ABCB5: variants seen among roughly 807,000 people sequenced by gnomAD.
ABCB5 encodes the protein ATP binding cassette subfamily B member 5.
ABCB5 carries 155 observed loss-of-function variants against 144.2 expected under a neutral mutation model. The ratio of observed to expected loss-of-function variants is 1.08; its 90% CI spans 0.94 to 1.23. ABCB5 has a LOEUF of 1.23. Ranked by LOEUF, ABCB5 falls within the 50% of genes most tolerant of loss-of-function variation. ABCB5 has a pLI of 0.00. For synonymous variants in ABCB5, 610 were observed against 528.6 expected (o/e 1.15, Z -2.11); for missense variants, 1,830 against 1,520.8 (o/e 1.20, Z -3.38).
At chr7:20,739,205 A>T in intron 24 of ABCB5, 66 bp downstream of exon 24, 1 of 1,431,730 alleles carries the variant, frequency 7.0e-7, no homozygotes, top group Non-Finnish European at 9.1e-7. Flanking sequence ...GGGGCCACTG[A>T]AGATGGGAGG....
intron 24 of ABCB5, 69 bp from the exon 25 acceptor site, chr7:20,742,808 C>A (rs1782602630): frequency 7.5e-6 from 11 of 1,469,326 alleles, no homozygotes; most frequent in Non-Finnish European, 1.0e-5. Flanking sequence ...ATGAACTTGG[C>A]CAGTATGCTA....
chr7:20,689,272 T>G (rs572440957), intron 16 of ABCB5, among the ~76,000 whole-genome samples: 1 of 152,266 alleles, frequency 6.6e-6, no homozygotes, highest in East Asian at 1.9e-4. Context: ...GAGGCAGGCC[T>G]CAATGGAAAG....
chr7:20,668,467 G>A (rs1785301163), intron 14 of ABCB5, among the ~76,000 whole-genome samples: 1 of 151,880 alleles, frequency 6.6e-6, no homozygotes, highest in Admixed American at 6.5e-5. Context: ...TCTGAGAAGC[G>A]AGGAAACCCT....
intron 23 of ABCB5, among the ~76,000 whole-genome samples, chr7:20,735,239 T>C (rs147829767): frequency 2.0e-5 from 3 of 152,328 alleles, no homozygotes; most frequent in African/African-American, 7.2e-5. Context: ...GTTTCCTAGT[T>C]CTCTTAAAAA....
At chr7:20,625,384 A>G (rs560558568) in intron 2 of ABCB5, among the ~76,000 whole-genome samples, 2 of 151,518 alleles carry the variant, frequency 1.3e-5, no homozygotes, top group Admixed American at 6.6e-5. Context: ...TTGCGCGTGC[A>G]TGTGTGTGTG....
chr7:20,753,587 G>C (rs944020413), intron 27 of ABCB5, 81 bp downstream of exon 27: 128 of 1,463,050 alleles, frequency 8.7e-5, no homozygotes, highest in Non-Finnish European at 1.1e-4. Context: ...GGTAAGTTTG[G>C]AAAAACAAAG....
chr7:20,646,342 C>T (rs1002433021), intron 9 of ABCB5, among the ~76,000 whole-genome samples: 3 of 152,202 alleles, frequency 2.0e-5, no homozygotes, highest in Non-Finnish European at 4.4e-5. Context: ...TTAGTGTCCT[C>T]GCTGTGTCAA....
intron 20 of ABCB5, among the ~76,000 whole-genome samples, chr7:20,711,301 C>T (rs1463624951): frequency 6.7e-6 from 1 of 149,548 alleles, no homozygotes; most frequent in East Asian, 2.0e-4. Flanking sequence ...CCTTCTGCAT[C>T]CAGGTCTTTT....
chr7:20,626,664 C>A, intron 3 of ABCB5, 53 bp downstream of exon 3: 1 of 1,453,620 alleles, frequency 6.9e-7, no homozygotes, highest in South Asian at 1.3e-5. Context: ...AGAGACTTGT[C>A]AGTAGTGCAT....
In ABCB5 at chr7:20,626,612, G is replaced by A; in HGVS notation, c.108+1G>A. ...GGAAGCAGTTGGATCTATTGAGATA[G>A]TAAGTGAAATCAGTTAGAAAGTACA... On this transcript the variant is annotated splice_donor_variant, in intron 3 of 27. Transcript: ENST00000404938. LOFTEE classifies it high-confidence loss of function. The A allele has an allele frequency of 1.2e-6, 2 of 1,602,666 alleles. No homozygotes were observed. The highest frequency in any genetic ancestry group is 1.7e-6 in the Non-Finnish European group (2 of 1,174,600).
At position 20,634,510 on chromosome 7, in the gene ABCB5, C is replaced by T. The variant is rs573701884; in HGVS notation, c.314+2397C>T. Among the ~76,000 whole-genome samples the T allele has an allele frequency of 2.6e-5, 4 of 152,066 alleles. No individual in the cohort carries two copies. In the East Asian group the frequency reaches 7.7e-4, roughly 29 times the overall value. ...TGGAGGCTGTACTAATTTACGTTACCCCCAATAGTGTATAAGTGTTCTCCT... is the reference window on the plus strand; with the variant it reads ...TGGAGGCTGTACTAATTTACGTTACTCCCAATAGTGTATAAGTGTTCTCCT... On this transcript the variant is annotated intron_variant, in intron 5 of 27. Coordinates refer to ENST00000404938, the MANE Select transcript of ABCB5 (RefSeq NM_001163941.2).
In ABCB5 at chr7:20,725,680, T is replaced by C. The variant is rs541831895; in HGVS notation, c.2626-1360T>C. Among the ~76,000 whole-genome samples, 515 of 152,312 alleles carry C rather than the reference T, an allele frequency of 3.4e-3. 1 individual carries two copies. The highest frequency in any genetic ancestry group is 0.012 in the African/African-American group (482 of 41,578). ...TTCATCCCTTCTCCATTGTGAAAAA[T>C]TGGAGATTTTTTTAATGTTCATTCC... is the stretch of plus-strand genomic sequence containing the variant. On this transcript the variant is annotated intron_variant, in intron 21 of 27. Transcript: ENST00000404938.
At chr7:20,640,928 A>C (rs12700225) in intron 5 of ABCB5, among the ~76,000 whole-genome samples, 16,423 of 152,088 alleles carry the variant, frequency 0.11, 962 homozygotes, top group East Asian at 0.16. Flanking sequence ...AGAGTCACTA[A>C]CAGTCCTTGG....
At chr7:20,702,140 T>C (rs1786650055) in intron 19 of ABCB5, among the ~76,000 whole-genome samples, 2 of 152,226 alleles carry the variant, frequency 1.3e-5, no homozygotes, top group Non-Finnish European at 2.9e-5. Context: ...AGATTCTTCC[T>C]GTTGAAAAGA....
chr7:20,690,564 C>T (rs983387514), intron 16 of ABCB5, among the ~76,000 whole-genome samples: 1 of 152,160 alleles, frequency 6.6e-6, no homozygotes, highest in South Asian at 2.1e-4. Context: ...GTCTGATCTA[C>T]TCCATGTGGC....
chr7:20,671,404 C>G (rs1436497149), intron 14 of ABCB5, among the ~76,000 whole-genome samples: 1 of 152,272 alleles, frequency 6.6e-6, no homozygotes, highest in South Asian at 2.1e-4. Flanking sequence ...CGTATATGTA[C>G]ACCAAAATCT....
In ABCB5 at chr7:20,645,760, T is replaced by C. The variant is rs1358611840; in HGVS notation, c.683T>C (p.Val228Ala). 2 of 1,613,614 alleles carry C rather than the reference T, an allele frequency of 1.2e-6. No homozygotes were observed. The highest frequency in any genetic ancestry group is 1.7e-6 in the Non-Finnish European group (2 of 1,179,728). The part of the protein sequence containing the change: ...MASAAACSRM[V>A]ISLTSKELSA... Reference sequence around the variant, plus strand: ...TGTGGTTGTGGTTTATTACAGATGGTCATCTCATTGACCAGTAAGGAATTA... The same window carrying C: ...TGTGGTTGTGGTTTATTACAGATGGCCATCTCATTGACCAGTAAGGAATTA... The change falls in exon 8 of 28, where the codon GTC (valine) becomes GCC (alanine). Residue 228 changes from valine (V) to alanine (A), a missense_variant. Transcript: ENST00000404938.
chr7:20,742,785 C>T (rs1782601744), intron 24 of ABCB5, 92 bp from the exon 25 acceptor site: 3 of 1,270,082 alleles, frequency 2.4e-6, no homozygotes, highest in African/African-American at 1.5e-5. Flanking sequence ...TGGAAACATG[C>T]ACAATTTTCA....
At chr7:20,669,035 C>T in intron 14 of ABCB5, among the ~76,000 whole-genome samples, 1 of 137,810 alleles carries the variant, frequency 7.3e-6, no homozygotes, top group East Asian at 2.5e-4. Context: ...GCGCCTCTGC[C>T]CGGCCGCCCC....
Sources: gnomAD v4.1 joint callset for allele counts (sites outside exome capture counted in the v4.1 genomes callset) on GRCh38, gnomAD v4.1.1 for gene constraint, MANE v1.5 for transcripts, NCBI Gene and HGNC (gene_info 2026-07-23, HGNC 2026-07-21) for gene names.